TP53BP1: variants seen among roughly 807,000 people sequenced by gnomAD.
TP53BP1 encodes tumor protein p53 binding protein 1.
In TP53BP1, 61 loss-of-function variants were observed where a neutral mutation model predicts 200.8. The observed-to-expected ratio is 0.30, with a 90% CI of 0.25 to 0.38. The LOEUF (loss-of-function observed/expected upper bound fraction) is 0.38. Among genes scored for constraint, TP53BP1 ranks in the 10% least tolerant of loss-of-function variants. The probability of loss-of-function intolerance (pLI) is 1.00; values close to 1 mark genes in which losing one functional copy is unlikely to be tolerated. For missense variants in TP53BP1, 2,144 were observed against 2,371.9 expected (o/e 0.90, Z 2.00); for synonymous variants, 822 against 844.3 (o/e 0.97, Z 0.46).
chr15:43,436,808 A>T (rs965839265), intron 16 of TP53BP1, among the ~76,000 whole-genome samples: 4 of 151,930 alleles, frequency 2.6e-5, no homozygotes, highest in Admixed American at 2.6e-4. Context: ...AATAGAGATA[A>T]AGGCCTGTAA....
chr15:43,479,922 G>C lies in TP53BP1; in HGVS notation c.595C>G (p.Gln199Glu). The C allele has an allele frequency of 1.2e-6, 2 of 1,614,156 alleles. No homozygotes were observed. Among genetic ancestry groups the C allele is most frequent in the Non-Finnish European group, 1.7e-6 (2 of 1,180,024 alleles). The change falls in exon 6 of 28, where the codon CAG (glutamine) becomes GAG (glutamate). Residue 199 changes from glutamine to glutamate, a missense_variant. By Grantham distance (29) the Gln-to-Glu change is conservative. Coordinates refer to ENST00000382044, the MANE Select transcript of TP53BP1 (RefSeq NM_001141980.3). The stretch of plus-strand genomic sequence containing the variant: ...GAGTTGGTGGTTACTGATTGTAGCT[G>C]CTCTTTGTCCACTTCATATGGCACA... Reference protein sequence around the residue: ...NTVPYEVDKEQLQSVTTNSGY... With the variant: ...NTVPYEVDKEELQSVTTNSGY...
Position 43,409,748 on chromosome 15 carries a change from T to C in TP53BP1, c.5306-7A>G, listed in dbSNP as rs201081678. 5.1e-5 allele frequency: 62 copies of C among 1,223,454 alleles called. No individual in the cohort carries two copies. Among genetic ancestry groups the C allele is most frequent in the Non-Finnish European group, 6.4e-5 (57 of 891,428 alleles). 75.8% of individuals were successfully genotyped at this position (1,223,454 alleles called of 1,614,324 possible). ...GGAGGAATTTCCAAAAATTCTATATTAAAAAAAAAAACCAAGATAATAATT... is the reference window on the plus strand; with the variant it reads ...GGAGGAATTTCCAAAAATTCTATATCAAAAAAAAAAACCAAGATAATAATT... On this transcript the variant is annotated splice_polypyrimidine_tract_variant and splice_region_variant and intron_variant, in intron 24 of 27. Coordinates refer to ENST00000382044, the MANE Select transcript of TP53BP1 (RefSeq NM_001141980.3).
chr15:43,405,786 T>A lies in TP53BP1; in HGVS notation c.*1597A>T, dbSNP rs540938440. 2 of 152,626 alleles carry A rather than the reference T, an allele frequency of 1.3e-5. No individual in the cohort carries two copies. The highest frequency in any genetic ancestry group is 4.1e-4 in the South Asian group (2 of 4,826). 9.5% of individuals were successfully genotyped at this position (152,626 alleles called of 1,614,324 possible). On this transcript the variant is annotated 3_prime_UTR_variant, in exon 28 of 28. Coordinates refer to ENST00000382044, the MANE Select transcript of TP53BP1 (RefSeq NM_001141980.3). ...CGGGCATGGTGGCTCACACCTGTAA[T>A]CCCAGCACTTTGGGAGGCCGAGGCG...
chr15:43,497,951 G>A (rs1359655671), upstream of TP53BP1, among the ~76,000 whole-genome samples: 1 of 152,130 alleles, frequency 6.6e-6, no homozygotes. Context: ...ATTTAAAGAT[G>A]TGTACTTAGA....
In TP53BP1 at chr15:43,421,838, G is replaced by A. The variant is rs2045408192; in HGVS notation, c.4100+17C>T. 6.2e-7 allele frequency: 1 copy of A among 1,613,674 alleles called. No individual in the cohort carries two copies. Among genetic ancestry groups the A allele is most frequent in the African/African-American group, 1.3e-5 (1 of 74,902 alleles). On this transcript the variant is annotated intron_variant, in intron 19 of 27. Coordinates refer to ENST00000382044, the MANE Select transcript of TP53BP1 (RefSeq NM_001141980.3). Reference sequence around the variant, plus strand: ...GCCCCTGCTGTGGCTCTCTCTCTCTGGAGACCCTGTCTGCACCTCAGTTTT... The same window carrying A: ...GCCCCTGCTGTGGCTCTCTCTCTCTAGAGACCCTGTCTGCACCTCAGTTTT...
At chr15:43,417,873 G>A (rs1421754019) in intron 21 of TP53BP1, among the ~76,000 whole-genome samples, 1 of 152,126 alleles carries the variant, frequency 6.6e-6, no homozygotes, top group African/African-American at 2.4e-5. Flanking sequence ...AGCCTGGATG[G>A]ACTCCAACAG....
At position 43,456,786 on chromosome 15, in the gene TP53BP1, C is replaced by T; in HGVS notation, c.1822G>A (p.Gly608Ser). 1 of 1,614,074 alleles carries T rather than the reference C, an allele frequency of 6.2e-7. No homozygotes were observed. Residue 608 changes from glycine to serine, a missense_variant, in exon 12 of 28, where the codon GGT (glycine) becomes AGT (serine). By Grantham distance (56) the Gly-to-Ser change is moderately conservative. Transcript: ENST00000382044. Reference sequence around the variant, plus strand: ...ACCGTTTCTTCTCTGCCCTTGCAACCAGTGGCTAAAATACTAATGTCATCC... The same window carrying T: ...ACCGTTTCTTCTCTGCCCTTGCAACTAGTGGCTAAAATACTAATGTCATCC... ...TRDDISILAT[G>S]CKGREETVAE...
chr15:43,439,037 T>G (rs2045867438), intron 15 of TP53BP1, among the ~76,000 whole-genome samples: 1 of 152,160 alleles, frequency 6.6e-6, no homozygotes, highest in African/African-American at 2.4e-5. Flanking sequence ...ATCTTCAAAA[T>G]AATTCAGTAG....
In TP53BP1 at chr15:43,485,576, C is replaced by CAAAAA. The variant is rs59927509; in HGVS notation, c.372-4559_372-4555dup. Among the ~76,000 whole-genome samples the CAAAAA allele has an allele frequency of 9.1e-3, 410 of 44,934 alleles. 31 individuals are homozygous for CAAAAA. Among genetic ancestry groups the CAAAAA allele is most frequent in the Middle Eastern group, 0.075 (3 of 40 alleles). 29.5% of individuals were successfully genotyped at this position (44,934 alleles called of 152,430 possible). On this transcript the variant is annotated intron_variant, in intron 4 of 27. Transcript: ENST00000382044. ...TGGGCAACAGAGCGAGACGCCGTCT[C>CAAAAA]AAAAAAAAAAAAAGAAAGTACTTTG... is the stretch of plus-strand genomic sequence containing the variant.
At chr15:43,433,011 G>A (rs2045706803) in intron 16 of TP53BP1, among the ~76,000 whole-genome samples, 1 of 151,944 alleles carries the variant, frequency 6.6e-6, no homozygotes, top group South Asian at 2.1e-4. Flanking sequence ...ACCCATTACT[G>A]AAGTCATAGA....
Position 43,438,351 on chromosome 15 carries a change from C to T in TP53BP1, c.3164G>A (p.Ser1055Asn). The change falls in exon 16 of 28, where the codon AGT (serine) becomes AAT (asparagine). Residue 1055 changes from serine (S) to asparagine (N), a missense_variant. This residue lies in a region of TP53BP1 where 1,700 missense variants were observed against 1,710.3 expected (regional missense o/e 0.99). Transcript: ENST00000382044. ...CEARQENEAR[S>N]EDPPTTPIRG... is the part of the protein sequence containing the mutation. ...GATGGGTGTGGTGGGGGGATCCTCA[C>T]TTCGAGCCTCATTCTCTTGCCTGGC... 1 of 1,613,900 alleles carries T rather than the reference C, an allele frequency of 6.2e-7. No homozygotes were observed. The highest frequency in any genetic ancestry group is 8.5e-7 in the Non-Finnish European group (1 of 1,179,902).
intron 6 of TP53BP1, 34 bp downstream of exon 6, chr15:43,479,822 CACA>C (rs1372035544): frequency 3.7e-6 from 6 of 1,609,070 alleles, no homozygotes; most frequent in African/African-American, 1.3e-5. Flanking sequence ...TGGGAGAAAA[CACA>C]ACAACTCCAA....
chr15:43,475,473 T>C, intron 9 of TP53BP1, 92 bp downstream of exon 9: 2 of 1,454,066 alleles, frequency 1.4e-6, no homozygotes, highest in Non-Finnish European at 1.9e-6. Flanking sequence ...AAAAGAATTC[T>C]AGACTAGCAG....
rs1053241399 is a variant in TP53BP1 at position 43,404,914 on chromosome 15, G to A, written c.*2469C>T. ...AGCTTCCGCATCTGTGAAAGGAGGC[G>A]ACCACCCCTTCTAACTCTAAACTTT... On this transcript the variant is annotated 3_prime_UTR_variant, in exon 28 of 28. Transcript: ENST00000382044. 4 of 503,634 alleles carry A rather than the reference G, an allele frequency of 7.9e-6. No homozygotes were observed. The highest frequency in any genetic ancestry group is 3.4e-5 in the East Asian group (1 of 29,374). 31.2% of individuals were successfully genotyped at this position (503,634 alleles called of 1,614,324 possible).
In TP53BP1 at chr15:43,407,399, T is replaced by C; in HGVS notation, c.5918A>G (p.Asp1973Gly). ...CAAGTATCTTTAGTGAGAAACATAATCGTGTTTATATTTTGGATGCTGCTT... is the reference window on the plus strand; with the variant it reads ...CAAGTATCTTTAGTGAGAAACATAACCGTGTTTATATTTTGGATGCTGCTT... Reference protein sequence around the residue: ...GFKQHPKYKHDYVSH With the variant: ...GFKQHPKYKHGYVSH The change falls in exon 28 of 28, where the codon GAT (aspartate) becomes GGT (glycine). Residue 1973 changes from aspartate (D) to glycine (G), a missense_variant. Physicochemically the swap from Asp to Gly is moderately conservative, Grantham distance 94. Coordinates refer to ENST00000382044, the MANE Select transcript of TP53BP1 (RefSeq NM_001141980.3). 6.2e-7 allele frequency: 1 copy of C among 1,614,086 alleles called. No homozygotes were observed. Among genetic ancestry groups the C allele is most frequent in the Non-Finnish European group, 8.5e-7 (1 of 1,179,946 alleles).
Position 43,406,486 on chromosome 15 carries a change from C to CATT in TP53BP1, c.*894_*896dup, listed in dbSNP as rs2044887016. ...AGTTTTACTGAAACACAGCCATGCC[C>CATT]ATTTGTTTACTCATTGTCTATGGTT... On this transcript the variant is annotated 3_prime_UTR_variant, in exon 28 of 28. Transcript: ENST00000382044. 2.4e-6 allele frequency: 1 copy of CATT among 408,774 alleles called. No homozygotes were observed. The highest frequency in any genetic ancestry group is 7.4e-5 in the East Asian group (1 of 13,504). 25.3% of individuals were successfully genotyped at this position (408,774 alleles called of 1,614,324 possible).
chr15:43,440,028 C>T (rs939703081), intron 15 of TP53BP1, among the ~76,000 whole-genome samples: 5 of 152,174 alleles, frequency 3.3e-5, no homozygotes, highest in African/African-American at 1.2e-4. Flanking sequence ...ACTAATCTCT[C>T]TAAGACATAG....
intron 4 of TP53BP1, among the ~76,000 whole-genome samples, chr15:43,491,075 ATTT>A (rs1010560667): frequency 7.0e-6 from 1 of 143,066 alleles, no homozygotes. Context: ...ATACTCCTAA[ATTT>A]TTTTTTTTTT....
chr15:43,408,429 C>T (rs990824614), intron 26 of TP53BP1: 4 of 274,298 alleles, frequency 1.5e-5, no homozygotes, highest in African/African-American at 4.4e-5. Flanking sequence ...TGCAGTAAGT[C>T]GTCACTGCGC....
Sources: allele counts gnomAD v4.1 joint callset (sites outside exome capture counted in the v4.1 genomes callset), GRCh38; gene constraint gnomAD v4.1.1; regional missense constraint gnomAD v4.1.1; transcripts MANE v1.5; gene names NCBI Gene and HGNC (gene_info 2026-07-23, HGNC 2026-07-21).